The following DST variants were observed in gnomAD, a reference collection of about 807,000 sequenced individuals.
The protein encoded by DST is bullous pemphigoid antigen.
A neutral mutation model predicts 875.2 loss-of-function variants in DST; 253 were observed. The observed-to-expected ratio is 0.29, with a 90% CI of 0.26 to 0.32. DST has a LOEUF of 0.32. Ranked by LOEUF, DST falls within the 10% of genes least tolerant of loss-of-function variation. The pLI is 1.00. For missense variants in DST, 8,287 were observed against 9,111.6 expected (o/e 0.91, Z 3.68); for synonymous variants, 3,124 against 3,197.1 (o/e 0.98, Z 0.77).
At chr6:56,900,687 G>C in intron 2 of DST, 66 bp from the exon 3 acceptor site, 2 of 1,224,978 alleles carry the variant, frequency 1.6e-6, no homozygotes, top group African/African-American at 1.6e-5. Context: ...GTTCTCCATG[G>C]CTAGTTATAC....
intron 54 of DST, among the ~76,000 whole-genome samples, chr6:56,569,427 A>G (rs780027375): frequency 2.0e-5 from 3 of 152,124 alleles, no homozygotes; most frequent in Non-Finnish European, 4.4e-5. Context: ...TCAGAAGACA[A>G]AAGACTTGTG....
chr6:56,625,880 G>A (rs926050406), intron 34 of DST, among the ~76,000 whole-genome samples: 1 of 149,142 alleles, frequency 6.7e-6, no homozygotes, highest in African/African-American at 2.5e-5. Flanking sequence ...ATTTGGAGGT[G>A]TAAGACAATG....
intron 4 of DST, among the ~76,000 whole-genome samples, chr6:56,756,833 C>T (rs539660672): frequency 3.3e-5 from 5 of 152,326 alleles, no homozygotes; most frequent in African/African-American, 1.2e-4. Context: ...ATTTTCTCTG[C>T]ATTTCCAAGT....
rs2099387915 is a variant in DST at position 56,714,399 on chromosome 6, C to T, written c.688-10030G>A. ...TGCCAAACTTTCAGATTCTAGTCTA[C>T]TCAACAGAGATCTCCGGACCACAGA... On this transcript the variant is annotated intron_variant, in intron 5 of 103. Coordinates refer to ENST00000680361, the MANE Select transcript of DST (RefSeq NM_001374736.1). The surrounding 1 kb of genome is among the most constrained non-coding windows in gnomAD (Gnocchi z 4.5). Among the ~76,000 whole-genome samples the T allele has an allele frequency of 1.3e-5, 2 of 152,210 alleles. No individual in the cohort carries two copies. Among genetic ancestry groups the T allele is most frequent in the Non-Finnish European group, 2.9e-5 (2 of 68,038 alleles).
At chr6:56,880,117 A>G (rs1425173187) in intron 3 of DST, among the ~76,000 whole-genome samples, 1 of 152,248 alleles carries the variant, frequency 6.6e-6, no homozygotes, top group Non-Finnish European at 1.5e-5. Flanking sequence ...AACTGAATGT[A>G]TGATTTTCCT....
In DST at chr6:56,778,039, G is replaced by A. The variant is rs191959973; in HGVS notation, c.626-42750C>T. Among the ~76,000 whole-genome samples the A allele has an allele frequency of 4.6e-5, 7 of 152,174 alleles. No individual in the cohort carries two copies. The East Asian group carries it at 9.6e-4, about 21-fold the overall frequency. On this transcript the variant is annotated intron_variant, in intron 4 of 103. Coordinates refer to ENST00000680361, the MANE Select transcript of DST (RefSeq NM_001374736.1). ...TTTTTAAATGCAAAAGAAGGTCTAAGAAAACTTAAATGTAAATATTCCTTG... is the reference window on the plus strand; with the variant it reads ...TTTTTAAATGCAAAAGAAGGTCTAAAAAAACTTAAATGTAAATATTCCTTG...
chr6:56,928,924 T>A (rs1023259163), intron 2 of DST, among the ~76,000 whole-genome samples: 4 of 152,060 alleles, frequency 2.6e-5, no homozygotes, highest in African/African-American at 9.7e-5. Flanking sequence ...AACAGAAAAG[T>A]ATACCTACTG....
At chr6:56,873,968 C>T (rs1407001915) in intron 3 of DST, among the ~76,000 whole-genome samples, 1 of 152,154 alleles carries the variant, frequency 6.6e-6, no homozygotes, top group African/African-American at 2.4e-5. Context: ...TGTAAGCCAG[C>T]TTCAGTGGTG....
At chr6:56,864,297 C>G (rs761997138) in intron 3 of DST, among the ~76,000 whole-genome samples, 5 of 152,172 alleles carry the variant, frequency 3.3e-5, no homozygotes, top group Non-Finnish European at 5.9e-5. Context: ...AGCCCAATTG[C>G]ATGAGCTAAT....
intron 2 of DST, among the ~76,000 whole-genome samples, chr6:56,903,814 C>A (rs904218837): frequency 6.6e-6 from 1 of 152,118 alleles, no homozygotes; most frequent in African/African-American, 2.4e-5. Context: ...CTTCATTCCA[C>A]CTTAACATTT....
At chr6:56,580,990 C>T (rs2097973852) in intron 49 of DST, among the ~76,000 whole-genome samples, 2 of 148,652 alleles carry the variant, frequency 1.3e-5, no homozygotes, top group Non-Finnish European at 3.0e-5. Flanking sequence ...CCACCTCGGC[C>T]GTCCAAAGTG....
At chr6:56,598,803 G>C (rs1307921328) in intron 45 of DST, 94 bp from the exon 46 acceptor site, 3 of 662,944 alleles carry the variant, frequency 4.5e-6, no homozygotes, top group Middle Eastern at 4.3e-4. Context: ...TGAGTACAGA[G>C]AGAGTCTAGT....
At chr6:56,508,411 C>A (rs1429166671) in intron 75 of DST, 118 bp downstream of exon 75, 1 of 820,294 alleles carries the variant, frequency 1.2e-6, no homozygotes, top group Non-Finnish European at 2.0e-6. Flanking sequence ...ACTGCACATT[C>A]CATTTTCAGA....
chr6:56,813,046 A>C (rs1048857603), intron 4 of DST, among the ~76,000 whole-genome samples: 7 of 152,070 alleles, frequency 4.6e-5, no homozygotes, highest in African/African-American at 7.2e-5. Context: ...ATGGAATACT[A>C]TGCAGCCATA....
intron 4 of DST, chr6:56,844,088 G>A (rs534736449): frequency 6.6e-6 from 1 of 152,580 alleles, no homozygotes; most frequent in East Asian, 1.9e-4. Flanking sequence ...TCGGGGGGAG[G>A]GTTGGAAATA....
At chr6:56,911,791 G>A (rs1385398509) in intron 2 of DST, among the ~76,000 whole-genome samples, 1 of 152,162 alleles carries the variant, frequency 6.6e-6, no homozygotes, top group African/African-American at 2.4e-5. Context: ...CCTTTAAAGA[G>A]CTTAAAGTGC....
intron 4 of DST, among the ~76,000 whole-genome samples, chr6:56,743,157 A>T (rs1334121063): frequency 6.6e-6 from 1 of 152,106 alleles, no homozygotes; most frequent in African/African-American, 2.4e-5. Context: ...AGACATAAGA[A>T]CCCTTGTTCT....
rs766954667 is a variant in DST at position 56,603,441 on chromosome 6, G to A, written c.10942-21C>T. 45 of 1,604,210 alleles carry A rather than the reference G, an allele frequency of 2.8e-5. No individual in the cohort carries two copies. In the Admixed American group the frequency reaches 7.4e-4, roughly 27 times the overall value. ...AATGTCTGCAAAGAAATATATCCCGGACCTATTTACTATTTAGTGAAAAAC... is the reference window on the plus strand; with the variant it reads ...AATGTCTGCAAAGAAATATATCCCGAACCTATTTACTATTTAGTGAAAAAC... On this transcript the variant is annotated intron_variant, in intron 41 of 103. Coordinates refer to ENST00000680361, the MANE Select transcript of DST (RefSeq NM_001374736.1).
At chr6:56,843,109 C>A (rs756114324) in intron 4 of DST, 1 of 1,573,046 alleles carries the variant, frequency 6.4e-7, no homozygotes, top group Admixed American at 1.7e-5. Flanking sequence ...TGCTCCTCCA[C>A]GTACAGGTAA....
Sources: allele counts gnomAD v4.1 joint callset (sites outside exome capture counted in the v4.1 genomes callset), GRCh38; gene constraint gnomAD v4.1.1; non-coding constraint Gnocchi (gnomAD v3.1); transcripts MANE v1.5; gene names NCBI Gene and HGNC (gene_info 2026-07-23, HGNC 2026-07-21).